CTNND2: variants seen among roughly 807,000 people sequenced by gnomAD.
CTNND2 encodes catenin delta 2, also known as catenin delta-2.
CTNND2 carries 22 observed loss-of-function variants against 144.4 expected under a neutral mutation model. The ratio of observed to expected loss-of-function variants is 0.15; its 90% CI spans 0.11 to 0.22. The LOEUF (loss-of-function observed/expected upper bound fraction) is 0.22. Among genes scored for constraint, CTNND2 ranks in the 10% least tolerant of loss-of-function variants. The pLI is 1.00. For missense variants in CTNND2, 1,353 were observed against 1,618.8 expected (o/e 0.84, Z 2.82); for synonymous variants, 751 against 695.6 (o/e 1.08, Z -1.25).
chr5:11,114,692 T>C (rs11133644), intron 13 of CTNND2, among the ~76,000 whole-genome samples: 34,145 of 152,052 alleles, frequency 0.22, 5,342 homozygotes, highest in East Asian at 0.54. Context: ...AGTGCTCCAC[T>C]ATATGTTATC....
chr5:11,189,250 C>T (rs1162820779), intron 11 of CTNND2, among the ~76,000 whole-genome samples: 2 of 152,158 alleles, frequency 1.3e-5, no homozygotes, highest in Admixed American at 1.3e-4. Context: ...AGGAAGAAAG[C>T]CATATCATAA....
intron 9 of CTNND2, among the ~76,000 whole-genome samples, chr5:11,247,394 T>C (rs1159627497): frequency 2.6e-5 from 4 of 152,146 alleles, no homozygotes; most frequent in Admixed American, 6.5e-5. Context: ...CTCCCACCCA[T>C]ATCACTGGGG....
At chr5:11,829,419 T>C (rs1401665804) in intron 1 of CTNND2, among the ~76,000 whole-genome samples, 1 of 152,162 alleles carries the variant, frequency 6.6e-6, no homozygotes, top group Non-Finnish European at 1.5e-5. Flanking sequence ...AGGGTCCCTA[T>C]GCTGTGTACA....
In CTNND2 at chr5:11,420,790, A is replaced by T. The variant is rs115065052; in HGVS notation, c.288-8721T>A. ...GAATGCCGTTTTTCTTGCTTAGATG[A>T]TATATCTTCTTTTTGCTTTAACTAT... is the stretch of plus-strand genomic sequence containing the variant. On this transcript the variant is annotated intron_variant, in intron 3 of 21. Coordinates refer to ENST00000304623, the MANE Select transcript of CTNND2 (RefSeq NM_001332.4). Among the ~76,000 whole-genome samples, 1,493 of 152,250 alleles carry T rather than the reference A, an allele frequency of 9.8e-3. 26 individuals are homozygous for T. The highest frequency in any genetic ancestry group is 0.034 in the African/African-American group (1,420 of 41,554).
At chr5:11,176,320 C>T (rs1407656248) in intron 11 of CTNND2, among the ~76,000 whole-genome samples, 2 of 149,068 alleles carry the variant, frequency 1.3e-5, no homozygotes, top group East Asian at 4.0e-4. Context: ...ATGATTCCCC[C>T]ATCTTCTGTC....
intron 2 of CTNND2, among the ~76,000 whole-genome samples, chr5:11,576,437 T>G (rs1777977418): frequency 6.6e-6 from 1 of 150,754 alleles, no homozygotes; most frequent in Admixed American, 6.6e-5. Flanking sequence ...TTTTAAAAGG[T>G]TACTTATTAC....
chr5:11,149,771 A>G (rs1335083308), intron 12 of CTNND2, among the ~76,000 whole-genome samples: 1 of 152,202 alleles, frequency 6.6e-6, no homozygotes, highest in East Asian at 1.9e-4. Context: ...GTGGAAGGCT[A>G]TCAGCCCATT....
At chr5:11,674,534 A>G (rs901586552) in intron 2 of CTNND2, among the ~76,000 whole-genome samples, 4 of 152,280 alleles carry the variant, frequency 2.6e-5, no homozygotes, top group Middle Eastern at 3.4e-3. Context: ...TAATCACCAA[A>G]GTTCATAGTT....
chr5:11,829,425 G>T (rs1793769077), intron 1 of CTNND2, among the ~76,000 whole-genome samples: 1 of 152,176 alleles, frequency 6.6e-6, no homozygotes, highest in Non-Finnish European at 1.5e-5. Context: ...CCTATGCTGT[G>T]TACAGCCTAG....
intron 3 of CTNND2, among the ~76,000 whole-genome samples, chr5:11,426,523 G>C (rs972798089): frequency 6.6e-6 from 1 of 152,198 alleles, no homozygotes; most frequent in East Asian, 1.9e-4. Flanking sequence ...AAGGAGATAC[G>C]CACAATCCAC....
intron 2 of CTNND2, among the ~76,000 whole-genome samples, chr5:11,578,713 G>A (rs1230341460): frequency 7.1e-6 from 1 of 141,450 alleles, no homozygotes; most frequent in African/African-American, 2.6e-5. Flanking sequence ...ATAGAGTAGT[G>A]AACTGGCAAT....
At chr5:11,718,484 G>C (rs1227968071) in intron 2 of CTNND2, among the ~76,000 whole-genome samples, 2 of 152,106 alleles carry the variant, frequency 1.3e-5, no homozygotes, top group Admixed American at 1.3e-4. Flanking sequence ...TGTTCTCCTT[G>C]ATTTCCCCAA....
intron 1 of CTNND2, among the ~76,000 whole-genome samples, chr5:11,835,195 T>G (rs1275311237): frequency 6.6e-6 from 1 of 152,240 alleles, no homozygotes; most frequent in Non-Finnish European, 1.5e-5. Context: ...TTTATACTGT[T>G]GGATTTGATT....
intron 3 of CTNND2, among the ~76,000 whole-genome samples, chr5:11,516,105 CA>C (rs760294148): frequency 4.0e-5 from 6 of 149,900 alleles, no homozygotes; most frequent in Middle Eastern, 3.4e-3. Flanking sequence ...AACAGTGTCT[CA>C]AAAAAAAATT....
chr5:11,064,736 GAT>G (rs1747371861), intron 16 of CTNND2, among the ~76,000 whole-genome samples: 1 of 152,168 alleles, frequency 6.6e-6, no homozygotes, highest in South Asian at 2.1e-4. Context: ...GCAAAACGGA[GAT>G]ATAGTTATTT....
chr5:11,325,364 G>T (rs948716491), intron 9 of CTNND2, among the ~76,000 whole-genome samples: 2 of 151,794 alleles, frequency 1.3e-5, no homozygotes, highest in Admixed American at 6.6e-5. Flanking sequence ...TTTGGATTGA[G>T]TTATCATCAT....
chr5:11,388,769 C>T (rs1483753235), intron 6 of CTNND2, among the ~76,000 whole-genome samples: 2 of 152,192 alleles, frequency 1.3e-5, no homozygotes, highest in Admixed American at 6.5e-5. Context: ...CAGTTTATTA[C>T]TACCCATCGT....
intron 1 of CTNND2, among the ~76,000 whole-genome samples, chr5:11,741,478 A>C (rs1245533732): frequency 6.6e-6 from 1 of 152,116 alleles, no homozygotes; most frequent in Non-Finnish European, 1.5e-5. Flanking sequence ...ACAGAAAAGC[A>C]AACACTGCAT....
chr5:11,033,950 A>G (rs1218706935), intron 16 of CTNND2, among the ~76,000 whole-genome samples: 1 of 152,252 alleles, frequency 6.6e-6, no homozygotes, highest in Admixed American at 6.5e-5. Context: ...AATTTAAAGC[A>G]AAGAAATAAA....
Sources: allele counts gnomAD v4.1 joint callset (sites outside exome capture counted in the v4.1 genomes callset), GRCh38; gene constraint gnomAD v4.1.1; transcripts MANE v1.5; gene names NCBI Gene and HGNC (gene_info 2026-07-23, HGNC 2026-07-21).